TTC3: variants seen among roughly 807,000 people sequenced by gnomAD.
TTC3 encodes E3 ubiquitin-protein ligase TTC3.
In TTC3, 180 loss-of-function variants were observed where a neutral mutation model predicts 249.6. That is an observed-to-expected ratio of 0.72 (90% CI 0.64 to 0.82). The LOEUF (loss-of-function observed/expected upper bound fraction) is 0.82. TTC3 is among the 40% of genes least tolerant of loss of function. TTC3 has a pLI of 0.00. For synonymous variants in TTC3, 717 were observed against 805.0 expected, an observed-to-expected ratio of 0.89 and a Z score of 1.85; for missense variants, 2,061 against 2,398.4, an observed-to-expected ratio of 0.86 and a Z score of 2.94.
chr21:37,105,915 G>A (rs1213606301), intron 10 of TTC3, among the ~76,000 whole-genome samples: 1 of 152,132 alleles, frequency 6.6e-6, no homozygotes, highest in Non-Finnish European at 1.5e-5. Context: ...AGGTAGTATT[G>A]TTGTGAACAT....
At chr21:37,173,554 CTACCATCATCTGT>C (rs2081988110) in intron 35 of TTC3, among the ~76,000 whole-genome samples, 1 of 152,190 alleles carries the variant, frequency 6.6e-6, no homozygotes, top group African/African-American at 2.4e-5. Flanking sequence ...TTTTTAAAAG[CTACCATCATCTGT>C]TTAGAAAGGT....
intron 15 of TTC3, among the ~76,000 whole-genome samples, chr21:37,128,090 G>C (rs556662651): frequency 6.6e-6 from 1 of 152,300 alleles, no homozygotes; most frequent in South Asian, 2.1e-4. Context: ...TCACAGAATG[G>C]AAATCAAACT....
intron 16 of TTC3, among the ~76,000 whole-genome samples, chr21:37,130,166 T>TA (rs562197714): frequency 1.7e-4 from 26 of 151,036 alleles, no homozygotes; most frequent in South Asian, 4.2e-4. Context: ...ATCAAAACAC[T>TA]AAAAAAAAAT....
chr21:37,201,474 G>T (rs1763430658), exon 46 of TTC3: 5 of 1,614,004 alleles, frequency 3.1e-6, no homozygotes, highest in Non-Finnish European at 4.2e-6. Context: ...CAGAGCGCTT[G>T]CCCGGCCTGC....
At chr21:37,154,990 C>T (rs932647226) in intron 27 of TTC3, among the ~76,000 whole-genome samples, 16 of 152,052 alleles carry the variant, frequency 1.1e-4, no homozygotes, top group Admixed American at 2.6e-4. Flanking sequence ...CCACCGCGCC[C>T]GGTCGATATA....
chr21:37,138,865 A>G (rs1225789093), intron 19 of TTC3, 151 bp downstream of exon 19: 1 of 491,212 alleles, frequency 2.0e-6, no homozygotes, highest in Non-Finnish European at 3.4e-6. Context: ...GTTTTTAAAG[A>G]ATATTTAGTT....
At chr21:37,182,500 G>A (rs1444437826) in intron 35 of TTC3, among the ~76,000 whole-genome samples, 1 of 152,232 alleles carries the variant, frequency 6.6e-6, no homozygotes, top group Non-Finnish European at 1.5e-5. Context: ...TGGAGAGTAA[G>A]TGTGAACACT....
chr21:37,201,300 G>A (rs1419018153), intron 45 of TTC3, 140 bp from the exon 46 acceptor site: 1 of 1,028,632 alleles, frequency 9.7e-7, no homozygotes, highest in Admixed American at 1.9e-5. Context: ...GGGTGTTGGT[G>A]TCCCTGAGTA....
chr21:37,087,094 C>T lies in TTC3; in HGVS notation c.-11-153C>T, dbSNP rs989176390. On this transcript the variant is annotated intron_variant, in intron 1 of 45. Coordinates refer to ENST00000355666, the Ensembl canonical transcript of TTC3. ...AGAGGAAAAGTCAGCAGAATGGGGA[C>T]GAGAATCTTTCGGAGCTCAGTGTTC... is the stretch of plus-strand genomic sequence containing the variant. 7.8e-6 allele frequency: 6 copies of T among 766,010 alleles called. No homozygotes were observed. The Admixed American group carries it at 8.9e-5, about 11-fold the overall frequency. 47.5% of individuals were successfully genotyped at this position (766,010 alleles called of 1,614,324 possible). A position where few individuals can be genotyped will look rare whatever the true frequency, so the allele number is the denominator to read the frequency against.
At chr21:37,095,224 C>A in intron 8 of TTC3, 126 bp from the exon 9 acceptor site, 7 of 553,892 alleles carry the variant, frequency 1.3e-5, no homozygotes, top group East Asian at 6.5e-5. Flanking sequence ...TCATTTTCTA[C>A]ATAAATAATC....
intron 10 of TTC3, chr21:37,099,210 A>T (rs2074238458): frequency 6.6e-6 from 1 of 152,242 alleles, no homozygotes; most frequent in African/African-American, 2.4e-5. Context: ...TTTAAAAAAG[A>T]ACTTTGGCAA....
At chr21:37,135,588 T>G (rs1054087424) in intron 18 of TTC3, 74 bp downstream of exon 18, 297 of 1,528,376 alleles carry the variant, frequency 1.9e-4, no homozygotes, top group Non-Finnish European at 3.3e-5. Flanking sequence ...AACCAAGGGC[T>G]TAACTCATTG....
At chr21:37,081,749 G>C (rs545653749) in intron 1 of TTC3, 34 of 151,720 alleles carry the variant, frequency 2.2e-4, no homozygotes, top group African/African-American at 7.3e-4. Flanking sequence ...TTACAGTGCT[G>C]GATAATTTCA....
At chr21:37,084,917 C>T (rs1314423709) in intron 1 of TTC3, among the ~76,000 whole-genome samples, 2 of 152,048 alleles carry the variant, frequency 1.3e-5, no homozygotes, top group African/African-American at 2.4e-5. Flanking sequence ...CGCTTGAACC[C>T]GGGAAGTGGA....
intron 6 of TTC3, 137 bp from the exon 7 acceptor site, chr21:37,091,156 A>C: frequency 1.2e-6 from 1 of 832,906 alleles, no homozygotes; most frequent in Non-Finnish European, 1.9e-6. Context: ...GTTACATGCC[A>C]GAGTAGCAAA....
chr21:37,144,833 A>G (rs769189908), intron 21 of TTC3, among the ~76,000 whole-genome samples, 188 bp downstream of exon 21: 1 of 152,156 alleles, frequency 6.6e-6, no homozygotes, highest in Non-Finnish European at 1.5e-5. Flanking sequence ...GTGTACCTTC[A>G]TTTATCATTA....
intron 1 of TTC3, chr21:37,082,758 A>G (rs2071876967): frequency 2.0e-6 from 2 of 985,140 alleles, no homozygotes; most frequent in Non-Finnish European, 2.4e-6. Flanking sequence ...TCCCAACAGT[A>G]CATTCCCCCA....
exon 39 of TTC3, chr21:37,188,500 C>A (rs750806304): frequency 6.2e-7 from 1 of 1,612,834 alleles, no homozygotes; most frequent in East Asian, 2.2e-5. Context: ...GGCAGGTATC[C>A]GTACTTGAAA....
chr21:37,151,587 A>G (rs1249982914), intron 25 of TTC3, among the ~76,000 whole-genome samples: 2 of 152,186 alleles, frequency 1.3e-5, no homozygotes, highest in Non-Finnish European at 2.9e-5. Context: ...GTTTACATGA[A>G]TTATTTTGCA....
Sources: gnomAD v4.1 joint callset for allele counts (sites outside exome capture counted in the v4.1 genomes callset) on GRCh38, gnomAD v4.1.1 for gene constraint, MANE v1.5 for transcripts, NCBI Gene and HGNC (gene_info 2026-07-23, HGNC 2026-07-21) for gene names.